The following PPFIA2 variants were observed in gnomAD, a reference collection of about 807,000 sequenced individuals.
PPFIA2 encodes the protein liprin-alpha-2.
In PPFIA2, 46 loss-of-function variants were observed where a neutral mutation model predicts 175.5. That is an observed-to-expected ratio of 0.26 (90% CI 0.21 to 0.34). PPFIA2 has a LOEUF of 0.34. Among genes scored for constraint, PPFIA2 ranks in the 10% least tolerant of loss-of-function variants. The pLI is 1.00. For synonymous variants in PPFIA2, 568 were observed against 511.4 expected, an observed-to-expected ratio of 1.11 and a Z score of -1.49; for missense variants, 1,179 against 1,506.1, an observed-to-expected ratio of 0.78 and a Z score of 3.60.
intron 22 of PPFIA2, among the ~76,000 whole-genome samples, chr12:81,304,252 A>G (rs1393546925): frequency 6.6e-6 from 1 of 152,164 alleles, no homozygotes; most frequent in Non-Finnish European, 1.5e-5. Context: ...CCCTGACTCC[A>G]TGGGCTTGAC....
chr12:81,342,177 G>GACA (rs1350028538), intron 19 of PPFIA2, among the ~76,000 whole-genome samples: 3 of 152,068 alleles, frequency 2.0e-5, no homozygotes, highest in Non-Finnish European at 4.4e-5. Flanking sequence ...CATTTTGTCA[G>GACA]AGATGAAGAT....
intron 30 of PPFIA2, 122 bp downstream of exon 30, chr12:81,266,830 A>T (rs2136254512): frequency 1.4e-6 from 1 of 726,612 alleles, no homozygotes; most frequent in Non-Finnish European, 2.3e-6. Context: ...GGAGAAAATT[A>T]TTGATTCTAA....
At chr12:81,557,120 T>A (rs879717569) in intron 4 of PPFIA2, among the ~76,000 whole-genome samples, 41 of 151,676 alleles carry the variant, frequency 2.7e-4, no homozygotes, top group Non-Finnish European at 4.9e-4. Flanking sequence ...CATTCTTATA[T>A]GCTTTTACTG....
At chr12:81,493,754 C>CTATATATATATATATATATA (rs5799531) in intron 4 of PPFIA2, among the ~76,000 whole-genome samples, 5 of 102,102 alleles carry the variant, frequency 4.9e-5, no homozygotes, top group Non-Finnish European at 7.7e-5. Flanking sequence ...GTGTGTGTGT[C>CTATATATATATATATATATA]TATATATATA....
chr12:81,406,805 G>T (rs2043018468), intron 7 of PPFIA2, among the ~76,000 whole-genome samples: 1 of 152,022 alleles, frequency 6.6e-6, no homozygotes, highest in Admixed American at 6.6e-5. Flanking sequence ...AAGGTACATA[G>T]TATTTAGTGC....
Position 81,284,288 on chromosome 12 carries a change from A to C in PPFIA2, c.2941T>G (p.Trp981Gly), listed in dbSNP as rs2042767052. ...PTSRTPSGNV[W>G]VTHEEMENLA... ...TTTTCCATTTCTTCATGAGTCACCC[A>C]AACGTTGCCTGAAGGCTAGTGAGGA... The change falls in exon 25 of 33, where the codon TGG becomes GGG. Residue 981 changes from tryptophan to glycine, a missense_variant. This residue lies in a region of PPFIA2 where 245 missense variants were observed against 375.1 expected (regional missense o/e 0.65). Transcript: ENST00000549396. 6.3e-7 allele frequency: 1 copy of C among 1,595,486 alleles called. No individual in the cohort carries two copies. Among genetic ancestry groups the C allele is most frequent in the Admixed American group, 1.7e-5 (1 of 59,044 alleles).
chr12:81,316,640 C>G (rs2052424398), intron 22 of PPFIA2, among the ~76,000 whole-genome samples: 1 of 151,690 alleles, frequency 6.6e-6, no homozygotes, highest in South Asian at 2.1e-4. Flanking sequence ...GAAATCCTCC[C>G]CATCCCCACT....
At chr12:81,428,347 A>T (rs907820577) in intron 7 of PPFIA2, among the ~76,000 whole-genome samples, 1 of 152,122 alleles carries the variant, frequency 6.6e-6, no homozygotes, top group Non-Finnish European at 1.5e-5. Context: ...TTTAACTTCT[A>T]TTTTAGATAA....
intron 4 of PPFIA2, among the ~76,000 whole-genome samples, chr12:81,568,606 T>C (rs1415262016): frequency 6.6e-6 from 1 of 152,218 alleles, no homozygotes; most frequent in Non-Finnish European, 1.5e-5. Flanking sequence ...AGATTTGATC[T>C]GAGAACTCAT....
At chr12:81,324,676 A>C (rs1199906706) in intron 22 of PPFIA2, among the ~76,000 whole-genome samples, 1 of 152,024 alleles carries the variant, frequency 6.6e-6, no homozygotes, top group Non-Finnish European at 1.5e-5. Context: ...GATAATATTT[A>C]AATATATTTT....
Position 81,524,491 on chromosome 12 carries a change from CT to C in PPFIA2, c.304-66626del, listed in dbSNP as rs199662676. Reference sequence around the variant, plus strand: ...ATCATTTATTTCTTCTTTCCTATTTCTTTATTTTCCAGTGGGAATGTCTTTC... The same window carrying C: ...ATCATTTATTTCTTCTTTCCTATTTCTTATTTTCCAGTGGGAATGTCTTTC... On this transcript the variant is annotated intron_variant, in intron 4 of 32. Coordinates refer to ENST00000549396, the MANE Select transcript of PPFIA2 (RefSeq NM_003625.5). Among the ~76,000 whole-genome samples, 460 of 152,266 alleles carry C rather than the reference CT, an allele frequency of 3.0e-3. 2 individuals carry two copies. The highest frequency in any genetic ancestry group is 0.011 in the African/African-American group (441 of 41,558).
chr12:81,625,642 G>A (rs567172998), intron 4 of PPFIA2, among the ~76,000 whole-genome samples: 2 of 151,714 alleles, frequency 1.3e-5, no homozygotes, highest in East Asian at 3.9e-4. Flanking sequence ...AAACCTGAAA[G>A]AAAAGATTCT....
intron 4 of PPFIA2, among the ~76,000 whole-genome samples, chr12:81,638,923 G>A (rs1277536826): frequency 6.6e-6 from 1 of 151,552 alleles, no homozygotes; most frequent in African/African-American, 2.4e-5. Flanking sequence ...TCCTGACCTC[G>A]TGATCCGCCC....
chr12:81,311,999 T>C (rs2051027054), intron 22 of PPFIA2: 1 of 642,286 alleles, frequency 1.6e-6, no homozygotes, highest in Non-Finnish European at 2.6e-6. Flanking sequence ...GAACCAATGA[T>C]TCCTTTTACT....
intron 4 of PPFIA2, among the ~76,000 whole-genome samples, chr12:81,668,651 A>G (rs2070818735): frequency 6.6e-6 from 1 of 152,024 alleles, no homozygotes; most frequent in Non-Finnish European, 1.5e-5. Flanking sequence ...CTACCAGCTG[A>G]CAGCTCTCTG....
chr12:81,512,195 G>T, intron 4 of PPFIA2: 2 of 567,096 alleles, frequency 3.5e-6, no homozygotes, highest in Non-Finnish European at 5.8e-6. Context: ...AGCAGATGCT[G>T]TCTTATCATC....
At chr12:81,520,484 C>T (rs1489653408) in intron 4 of PPFIA2, among the ~76,000 whole-genome samples, 2 of 152,230 alleles carry the variant, frequency 1.3e-5, no homozygotes, top group Non-Finnish European at 2.9e-5. Context: ...TATGTGGGGA[C>T]TACTGTACTT....
chr12:81,613,128 A>G (rs1866334187), intron 4 of PPFIA2, among the ~76,000 whole-genome samples: 2 of 152,186 alleles, frequency 1.3e-5, no homozygotes, highest in Admixed American at 1.3e-4. Context: ...TGTTAGGTTT[A>G]TTTCATGTTT....
At chr12:81,639,697 C>T (rs975503735) in intron 4 of PPFIA2, among the ~76,000 whole-genome samples, 4 of 152,044 alleles carry the variant, frequency 2.6e-5, no homozygotes, top group African/African-American at 9.7e-5. Flanking sequence ...AATTGATAAA[C>T]AATATCATCT....
Sources: allele counts gnomAD v4.1 joint callset (sites outside exome capture counted in the v4.1 genomes callset), GRCh38; gene constraint gnomAD v4.1.1; regional missense constraint gnomAD v4.1.1; transcripts MANE v1.5; gene names NCBI Gene and HGNC (gene_info 2026-07-23, HGNC 2026-07-21).